The following APBA1 variants were observed in gnomAD, a reference collection of about 807,000 sequenced individuals.
APBA1 encodes amyloid beta precursor protein binding family A member 1, also known as amyloid-beta A4 precursor protein-binding family A member 1.
Under a neutral mutation model 86.6 loss-of-function variants are expected in APBA1, and 55 were observed. The observed-to-expected ratio is 0.64, with a 90% CI of 0.51 to 0.80. The LOEUF is 0.80. Among genes scored for constraint, APBA1 ranks in the 30% least tolerant of loss-of-function variants. APBA1 has a pLI of 0.00. For synonymous variants in APBA1, 511 were observed against 493.9 expected, an observed-to-expected ratio of 1.03 and a Z score of -0.46; for missense variants, 1,090 against 1,183.0, an observed-to-expected ratio of 0.92 and a Z score of 1.15.
chr9:69,545,395 G>A (rs1836681982), intron 1 of APBA1, among the ~76,000 whole-genome samples: 1 of 152,158 alleles, frequency 6.6e-6, no homozygotes, highest in African/African-American at 2.4e-5. Context: ...GAACCTGTAA[G>A]ACACTTCCCA....
chr9:69,632,913 T>C (rs549996189), intron 1 of APBA1, among the ~76,000 whole-genome samples: 4 of 152,194 alleles, frequency 2.6e-5, no homozygotes, highest in South Asian at 2.1e-4. Context: ...ATGGGACACA[T>C]TGGCAGGAGA....
At chr9:69,515,923 T>C (rs1413736089) in intron 2 of APBA1, 88 bp downstream of exon 2, 2 of 1,379,578 alleles carry the variant, frequency 1.4e-6, no homozygotes, top group African/African-American at 1.5e-5. Context: ...TCCCGTAAAG[T>C]CACTACCCAA....
At chr9:69,440,080 A>G (rs796274338) in intron 11 of APBA1, among the ~76,000 whole-genome samples, 1 of 152,176 alleles carries the variant, frequency 6.6e-6, no homozygotes, top group Non-Finnish European at 1.5e-5. Flanking sequence ...TATCAGCAGC[A>G]GTGGCTGCAG....
At chr9:69,624,448 C>G (rs1488332726) in intron 1 of APBA1, among the ~76,000 whole-genome samples, 2 of 152,126 alleles carry the variant, frequency 1.3e-5, no homozygotes, top group African/African-American at 4.8e-5. Context: ...GCCCACAAAA[C>G]AGCATTTTTC....
At chr9:69,441,153 C>T in intron 10 of APBA1, 38 bp from the exon 11 acceptor site, 5 of 1,590,134 alleles carry the variant, frequency 3.1e-6, no homozygotes, top group Non-Finnish European at 4.3e-6. Context: ...ATGGTGACCA[C>T]TGAGGCAGAC....
chr9:69,594,355 C>T (rs1478705321), intron 1 of APBA1, among the ~76,000 whole-genome samples: 1 of 152,130 alleles, frequency 6.6e-6, no homozygotes, highest in Non-Finnish European at 1.5e-5. Context: ...TGACAAGGAA[C>T]CAGGTTGTTT....
At chr9:69,613,710 A>G (rs1331278525) in intron 1 of APBA1, among the ~76,000 whole-genome samples, 1 of 152,168 alleles carries the variant, frequency 6.6e-6, no homozygotes, top group African/African-American at 2.4e-5. Context: ...TGATTTCTAC[A>G]TGGGTCTGAA....
chr9:69,514,444 G>GT (rs1456367157), intron 2 of APBA1, among the ~76,000 whole-genome samples: 4 of 152,086 alleles, frequency 2.6e-5, no homozygotes, highest in Non-Finnish European at 5.9e-5. Flanking sequence ...TACAAGATTA[G>GT]TTGGGCATAG....
chr9:69,470,305 T>C (rs1258304201), intron 4 of APBA1, among the ~76,000 whole-genome samples: 4 of 152,194 alleles, frequency 2.6e-5, no homozygotes, highest in East Asian at 1.9e-4. Context: ...TGTCAGAGAA[T>C]TGCAGGTTTT....
At chr9:69,620,081 GTCTTC>G (rs959274802) in intron 1 of APBA1, among the ~76,000 whole-genome samples, 3 of 152,196 alleles carry the variant, frequency 2.0e-5, no homozygotes, top group African/African-American at 7.2e-5. Flanking sequence ...AGCCCTGTCT[GTCTTC>G]TGGAAAACTA....
chr9:69,517,127 G>A lies in APBA1; in HGVS notation c.84C>T (p.Asp28=). Residue 28 remains aspartate, a synonymous_variant, in exon 2 of 13, where the codon GAC becomes GAT. Transcript: ENST00000265381. ...CCTCTTCCACCTCGGGGTGCTCCAGGTCGGCCTCCACCGACTCGTTCACCT... is the reference window on the plus strand; with the variant it reads ...CCTCTTCCACCTCGGGGTGCTCCAGATCGGCCTCCACCGACTCGTTCACCT... ...GGEVNESVEA[D]LEHPEVEEEQ... The A allele has an allele frequency of 6.4e-7, 1 of 1,571,722 alleles. No individual in the cohort carries two copies.
intron 1 of APBA1, among the ~76,000 whole-genome samples, chr9:69,627,715 T>G (rs1323417389): frequency 6.6e-6 from 1 of 152,110 alleles, no homozygotes; most frequent in Non-Finnish European, 1.5e-5. Context: ...CCTCAGGGAC[T>G]CTCTCCCACA....
intron 1 of APBA1, among the ~76,000 whole-genome samples, chr9:69,560,740 G>A (rs1836934984): frequency 6.6e-6 from 1 of 152,058 alleles, no homozygotes; most frequent in Non-Finnish European, 1.5e-5. Flanking sequence ...CTTAACAGTT[G>A]AGCATCCCTA....
chr9:69,661,508 G>A (rs769745901), intron 1 of APBA1, among the ~76,000 whole-genome samples: 2 of 152,272 alleles, frequency 1.3e-5, no homozygotes, highest in Non-Finnish European at 2.9e-5. Context: ...GCTAATTATG[G>A]CAGCACTGTA....
chr9:69,483,153 G>GA (rs1835549302), intron 2 of APBA1, among the ~76,000 whole-genome samples: 1 of 45,408 alleles, frequency 2.2e-5, no homozygotes, highest in African/African-American at 8.5e-5. Context: ...ACAAAAAAAC[G>GA]AAACAAAAAA....
At chr9:69,504,455 G>T (rs935189260) in intron 2 of APBA1, among the ~76,000 whole-genome samples, 2 of 152,032 alleles carry the variant, frequency 1.3e-5, no homozygotes, top group African/African-American at 4.8e-5. Context: ...TTAAATGTCT[G>T]ATGATCCTTG....
At chr9:69,645,354 T>C (rs1823371469) in intron 1 of APBA1, among the ~76,000 whole-genome samples, 1 of 152,216 alleles carries the variant, frequency 6.6e-6, no homozygotes, top group Non-Finnish European at 1.5e-5. Context: ...TGTTTAGTTA[T>C]TTGAAAACAT....
At chr9:69,477,224 T>A (rs1351952639) in intron 2 of APBA1, among the ~76,000 whole-genome samples, 1 of 151,504 alleles carries the variant, frequency 6.6e-6, no homozygotes, top group Non-Finnish European at 1.5e-5. Flanking sequence ...TTCATCTCAC[T>A]AGGGAGTGCC....
chr9:69,575,482 C>G (rs1054450241), intron 1 of APBA1, among the ~76,000 whole-genome samples: 2 of 152,168 alleles, frequency 1.3e-5, no homozygotes, highest in African/African-American at 4.8e-5. Flanking sequence ...GTAACCAAAA[C>G]AGCATGGTAC....
Sources: allele counts gnomAD v4.1 joint callset (sites outside exome capture counted in the v4.1 genomes callset), GRCh38; gene constraint gnomAD v4.1.1; transcripts MANE v1.5; gene names NCBI Gene and HGNC (gene_info 2026-07-23, HGNC 2026-07-21).